C6orf89: variants seen among roughly 807,000 people sequenced by gnomAD.
C6orf89 encodes the protein bombesin receptor-activated protein C6orf89.
A neutral mutation model predicts 40.7 loss-of-function variants in C6orf89; 29 were observed. The observed-to-expected ratio is 0.71, with a 90% CI of 0.53 to 0.97. C6orf89 has a LOEUF of 0.97. Ranked by LOEUF, C6orf89 falls within the 50% of genes least tolerant of loss-of-function variation. The pLI is 0.00. For synonymous variants in C6orf89, 165 were observed against 152.2 expected (o/e 1.08, Z -0.62); for missense variants, 392 against 429.1 (o/e 0.91, Z 0.76).
Position 36,914,440 on chromosome 6 carries a change from G to A in C6orf89, c.555+5G>A. 1.2e-6 allele frequency: 2 copies of A among 1,614,190 alleles called. No individual in the cohort carries two copies. Among genetic ancestry groups the A allele is most frequent in the Non-Finnish European group, 1.7e-6 (2 of 1,180,004 alleles). ...CTCCATCCACTGGTGATCAAGGTGA[G>A]CAGAAGCCTGAGTCTCCCGCTGATT... On this transcript the variant is annotated splice_donor_5th_base_variant and intron_variant, in intron 5 of 8. Transcript: ENST00000480824.
chr6:36,916,354 C>T, intron 6 of C6orf89, 91 bp from the exon 7 acceptor site: 1 of 1,516,374 alleles, frequency 6.6e-7, no homozygotes, highest in South Asian at 1.2e-5. Flanking sequence ...TACCCACCGC[C>T]CACAGTTTTC....
At chr6:36,909,515 A>G (rs1396741080) in intron 4 of C6orf89, among the ~76,000 whole-genome samples, 5 of 152,160 alleles carry the variant, frequency 3.3e-5, no homozygotes, top group Non-Finnish European at 2.9e-5. Flanking sequence ...TTTATAGGCC[A>G]TTTATATTTA....
At chr6:36,880,237 TA>T (rs1774768350) in intron 2 of C6orf89, among the ~76,000 whole-genome samples, 2 of 152,158 alleles carry the variant, frequency 1.3e-5, no homozygotes, top group Admixed American at 6.5e-5. Flanking sequence ...TCAGGTTAAT[TA>T]AAAAATGAAT....
At chr6:36,893,064 A>T (rs1231808432) in intron 1 of C6orf89, among the ~76,000 whole-genome samples, 1 of 151,436 alleles carries the variant, frequency 6.6e-6, no homozygotes, top group Non-Finnish European at 1.5e-5. Context: ...CCTCCCAAGT[A>T]GCTGGGATTA....
chr6:36,902,456 T>G, intron 4 of C6orf89, 22 bp downstream of exon 4: 1 of 1,601,684 alleles, frequency 6.2e-7, no homozygotes, highest in Non-Finnish European at 8.6e-7. Flanking sequence ...CATTTATTAC[T>G]TATTAGATAT....
Position 36,928,785 on chromosome 6 carries a change from G to A in C6orf89, c.*5344G>A, listed in dbSNP as rs1762768960. The A allele has an allele frequency of 6.6e-6, 1 of 152,266 alleles. No individual in the cohort carries two copies. The highest frequency in any genetic ancestry group is 1.5e-5 in the Non-Finnish European group (1 of 68,100). The allele number at this position is 152,266 out of a possible 1,614,324, so 9.4% of individuals were successfully genotyped here. On this transcript the variant is annotated 3_prime_UTR_variant, in exon 9 of 9. Coordinates refer to ENST00000480824, the MANE Select transcript of C6orf89 (RefSeq NM_001286635.2). ...CCCTGGATGGTCCCAGGGAGCAGAG[G>A]GAGGCAGGCAGCTGTCACAGCCACA... is the stretch of plus-strand genomic sequence containing the variant.
upstream of C6orf89, among the ~76,000 whole-genome samples, chr6:36,882,080 G>A (rs1404177262): frequency 1.3e-5 from 2 of 152,086 alleles, no homozygotes; most frequent in Non-Finnish European, 2.9e-5. Flanking sequence ...AGGAAGGAAA[G>A]AAAGGAGATA....
chr6:36,916,391 C>T (rs1762322383), intron 6 of C6orf89, 54 bp from the exon 7 acceptor site: 5 of 1,606,770 alleles, frequency 3.1e-6, no homozygotes, highest in Non-Finnish European at 4.3e-6. Context: ...CTCTCTTAGT[C>T]ATGGGCTGGC....
chr6:36,919,790 A>G (rs1022451506), intron 8 of C6orf89, 89 bp downstream of exon 8: 11 of 1,372,966 alleles, frequency 8.0e-6, no homozygotes, highest in Middle Eastern at 3.8e-4. Context: ...TGCCTTCACA[A>G]AAGTTTTATT....
rs537333012 is a variant in C6orf89, at chr6:36,913,833, AGCGGTCTCC to A, written c.404-450_404-442del. On this transcript the variant is annotated intron_variant, in intron 4 of 8. Coordinates refer to ENST00000480824, the MANE Select transcript of C6orf89 (RefSeq NM_001286635.2). Reference sequence around the variant, plus strand: ...TGCTTCATATATACCTTACCTTTTCAGCGGTCTCCAGTGCTTATCATTGTTTGTTTTTAA... The same window carrying A: ...TGCTTCATATATACCTTACCTTTTCAAGTGCTTATCATTGTTTGTTTTTAA... Among the ~76,000 whole-genome samples the A allele has an allele frequency of 0.02, 3,054 of 152,304 alleles. 202 individuals carry two copies. The East Asian group carries it at 0.26, about 13-fold the overall frequency.
chr6:36,917,475 T>G, intron 7 of C6orf89, among the ~76,000 whole-genome samples: 1 of 152,238 alleles, frequency 6.6e-6, no homozygotes, highest in East Asian at 1.9e-4. Flanking sequence ...GGAAGGTTTT[T>G]GAGCCTGGAT....
intron 1 of C6orf89, among the ~76,000 whole-genome samples, chr6:36,888,758 C>T (rs1467800214): frequency 6.6e-6 from 1 of 152,074 alleles, no homozygotes; most frequent in East Asian, 1.9e-4. Flanking sequence ...CTTAACTGTG[C>T]TGTTAATGTA....
Position 36,919,567 on chromosome 6 carries a change from C to T in C6orf89, c.826-11C>T. Reference sequence around the variant, plus strand: ...CCTTCCTTTTCCTCCCCTCCTCATTCTTTCCTCCAGATGCATAAGATGCCT... The same window carrying T: ...CCTTCCTTTTCCTCCCCTCCTCATTTTTTCCTCCAGATGCATAAGATGCCT... On this transcript the variant is annotated splice_polypyrimidine_tract_variant and intron_variant, in intron 7 of 8. Coordinates refer to ENST00000480824, the MANE Select transcript of C6orf89 (RefSeq NM_001286635.2). 6.2e-7 allele frequency: 1 copy of T among 1,608,512 alleles called. No homozygotes were observed.
intron 3 of C6orf89, among the ~76,000 whole-genome samples, chr6:36,900,463 A>G (rs188046246): frequency 1.3e-5 from 2 of 150,898 alleles, no homozygotes; most frequent in Admixed American, 6.6e-5. Context: ...CGGCTTCCCA[A>G]AGTGCTGGGA....
upstream of C6orf89, among the ~76,000 whole-genome samples, chr6:36,882,713 CTTTTTTTTTTTT>C (rs1168220528): frequency 8.7e-6 from 1 of 115,446 alleles, no homozygotes; most frequent in Non-Finnish European, 1.9e-5. Context: ...TTGTCATTTT[CTTTTTTTTTTTT>C]TCTTTTTTCT....
At chr6:36,895,215 T>A (rs1162935905) in intron 2 of C6orf89, among the ~76,000 whole-genome samples, 4 of 152,166 alleles carry the variant, frequency 2.6e-5, no homozygotes, top group African/African-American at 9.7e-5. Flanking sequence ...CAGGAAAAGT[T>A]TGGGAAATAT....
chr6:36,919,313 C>T (rs1237770366), intron 7 of C6orf89, among the ~76,000 whole-genome samples: 1 of 152,188 alleles, frequency 6.6e-6, no homozygotes, highest in African/African-American at 2.4e-5. Flanking sequence ...GTATTGCCCA[C>T]TAAATCACAC....
At chr6:36,922,856 C>T (rs1762558580) in intron 8 of C6orf89, among the ~76,000 whole-genome samples, 1 of 152,216 alleles carries the variant, frequency 6.6e-6, no homozygotes, top group African/African-American at 2.4e-5. Flanking sequence ...ATTCTGTCTT[C>T]TTGCTGTAAA....
intron 1 of C6orf89, among the ~76,000 whole-genome samples, chr6:36,872,302 G>C (rs927529395): frequency 2.0e-5 from 3 of 151,872 alleles, no homozygotes; most frequent in Non-Finnish European, 1.5e-5. Context: ...TTCTGGGTGG[G>C]GGTAGGGACT....
Sources: allele counts gnomAD v4.1 joint callset (sites outside exome capture counted in the v4.1 genomes callset), GRCh38; gene constraint gnomAD v4.1.1; transcripts MANE v1.5; gene names NCBI Gene and HGNC (gene_info 2026-07-23, HGNC 2026-07-21).